CSNK1G1: variants seen among roughly 807,000 people sequenced by gnomAD.
CSNK1G1 encodes casein kinase 1 gamma 1.
CSNK1G1 carries 22 observed loss-of-function variants against 59.6 expected under a neutral mutation model. The ratio of observed to expected loss-of-function variants is 0.37; its 90% CI spans 0.26 to 0.53. CSNK1G1 has a LOEUF of 0.53. Among genes scored for constraint, CSNK1G1 ranks in the 20% least tolerant of loss-of-function variants. The probability of loss-of-function intolerance (pLI) is 0.89; values close to 1 mark genes in which losing one functional copy is unlikely to be tolerated. For synonymous variants in CSNK1G1, 179 were observed against 177.1 expected, an observed-to-expected ratio of 1.01 and a Z score of -0.08; for missense variants, 384 against 519.5, an observed-to-expected ratio of 0.74 and a Z score of 2.54.
intron 1 of CSNK1G1, among the ~76,000 whole-genome samples, chr15:64,312,628 G>A (rs989546991): frequency 1.3e-5 from 2 of 152,130 alleles, no homozygotes; most frequent in African/African-American, 2.4e-5. Context: ...AGACTTAAAT[G>A]TAAGACCTAA....
intron 1 of CSNK1G1, among the ~76,000 whole-genome samples, chr15:64,309,309 AACACACACACACACACACACACAC>A (rs66467610): frequency 6.8e-6 from 1 of 146,496 alleles, no homozygotes; most frequent in Non-Finnish European, 1.5e-5. Context: ...TAGTGAATAA[AACACACACACACACACACACACAC>A]ACACACACAC....
Position 64,200,631 on chromosome 15 carries a change from C to T in CSNK1G1, c.1107+2451G>A, listed in dbSNP as rs1161875634. On this transcript the variant is annotated intron_variant, in intron 10 of 11. Coordinates refer to ENST00000303052, the MANE Select transcript of CSNK1G1 (RefSeq NM_022048.5). This position sits in a 1 kb window ranked among gnomAD's most constrained non-coding sequence, Gnocchi z 4.3. ...AAAGTGCTGGGATTACAGGCGTGAG[C>T]CACTGCGCCTGGCCGCATTATAGAG... Among the ~76,000 whole-genome samples, 1 of 152,194 alleles carries T rather than the reference C, an allele frequency of 6.6e-6. No homozygotes were observed. Among genetic ancestry groups the T allele is most frequent in the Non-Finnish European group, 1.5e-5 (1 of 68,034 alleles).
intron 10 of CSNK1G1, among the ~76,000 whole-genome samples, chr15:64,192,131 G>T (rs1471437879): frequency 6.6e-6 from 1 of 152,228 alleles, no homozygotes; most frequent in Non-Finnish European, 1.5e-5. Context: ...AAGCAAACTA[G>T]TGGAAGAGAT....
intron 4 of CSNK1G1, among the ~76,000 whole-genome samples, chr15:64,221,018 C>T (rs2082382154): frequency 6.6e-6 from 1 of 152,158 alleles, no homozygotes; most frequent in Non-Finnish European, 1.5e-5. Context: ...AGTAACCATG[C>T]TAATGTTGGA....
chr15:64,278,648 C>G (rs1172737554), intron 2 of CSNK1G1, among the ~76,000 whole-genome samples: 1 of 151,860 alleles, frequency 6.6e-6, no homozygotes, highest in Admixed American at 6.6e-5. Flanking sequence ...AAGCTGGTGT[C>G]GAACTCCTGA....
chr15:64,321,509 C>G (rs1896564468), intron 1 of CSNK1G1, among the ~76,000 whole-genome samples: 2 of 152,162 alleles, frequency 1.3e-5, no homozygotes, highest in Admixed American at 6.5e-5. Flanking sequence ...AGCGATCCTC[C>G]TGCTTCAACC....
chr15:64,178,916 A>G (rs967055256), intron 11 of CSNK1G1, among the ~76,000 whole-genome samples: 1 of 151,030 alleles, frequency 6.6e-6, no homozygotes, highest in African/African-American at 2.4e-5. Context: ...ATGCCCAGCT[A>G]ATTTTTAATT....
chr15:64,199,361 C>T (rs1428312033), intron 10 of CSNK1G1, among the ~76,000 whole-genome samples: 1 of 149,482 alleles, frequency 6.7e-6, no homozygotes, highest in Non-Finnish European at 1.5e-5. Context: ...TAGTTAAATA[C>T]AGATGAGATT....
intron 1 of CSNK1G1, among the ~76,000 whole-genome samples, chr15:64,354,561 C>T (rs1898530371): frequency 6.6e-6 from 1 of 152,102 alleles, no homozygotes; most frequent in Non-Finnish European, 1.5e-5. Flanking sequence ...GAATTTCATG[C>T]TACCTACGAT....
intron 4 of CSNK1G1, among the ~76,000 whole-genome samples, chr15:64,244,653 C>T (rs1891657367): frequency 6.6e-6 from 1 of 152,056 alleles, no homozygotes; most frequent in African/African-American, 2.4e-5. Flanking sequence ...GAGGCTGAGG[C>T]AGGTGGATCA....
In CSNK1G1 at chr15:64,188,368, T is replaced by C; in HGVS notation, c.1108-7914A>G. On this transcript the variant is annotated intron_variant, in intron 10 of 11. Transcript: ENST00000303052. This position sits in a 1 kb window ranked among gnomAD's most constrained non-coding sequence, Gnocchi z 4.2. Reference sequence around the variant, plus strand: ...GGCCAGGAAAAGGCAATAAAGGCAGTAAATACCTGCACTGATCCCCCATGG... The same window carrying C: ...GGCCAGGAAAAGGCAATAAAGGCAGCAAATACCTGCACTGATCCCCCATGG... The C allele has an allele frequency of 6.5e-7, 1 of 1,531,978 alleles. No homozygotes were observed. Among genetic ancestry groups the C allele is most frequent in the Non-Finnish European group, 8.7e-7 (1 of 1,143,736 alleles). 94.9% of individuals were successfully genotyped at this position (1,531,978 alleles called of 1,614,324 possible).
intron 2 of CSNK1G1, among the ~76,000 whole-genome samples, chr15:64,283,679 C>T (rs1016641703): frequency 2.6e-5 from 4 of 152,046 alleles, no homozygotes; most frequent in African/African-American, 7.2e-5. Context: ...GACGGGGTTT[C>T]ACCATGTTGG....
chr15:64,278,084 T>C (rs963900821), intron 2 of CSNK1G1, among the ~76,000 whole-genome samples: 3 of 150,344 alleles, frequency 2.0e-5, no homozygotes, highest in Non-Finnish European at 3.0e-5. Context: ...CTCACTCTGT[T>C]GCCCAGGCTG....
chr15:64,194,730 G>A (rs1427565545), intron 10 of CSNK1G1, among the ~76,000 whole-genome samples: 2 of 151,828 alleles, frequency 1.3e-5, no homozygotes, highest in African/African-American at 4.8e-5. Context: ...TGGTCAGGCC[G>A]GTTTTGAACT....
chr15:64,263,242 G>A (rs1415354749), intron 2 of CSNK1G1, among the ~76,000 whole-genome samples: 2 of 150,318 alleles, frequency 1.3e-5, no homozygotes, highest in East Asian at 2.0e-4. Context: ...ATGCTGGAGC[G>A]CAGTGGCATG....
intron 2 of CSNK1G1, among the ~76,000 whole-genome samples, chr15:64,275,060 G>A (rs1722222401): frequency 6.6e-6 from 1 of 152,124 alleles, no homozygotes; most frequent in African/African-American, 2.4e-5. Context: ...TTCTTTTTGT[G>A]GAGACACAGT....
intron 2 of CSNK1G1, among the ~76,000 whole-genome samples, chr15:64,272,636 G>A (rs1893385029): frequency 6.6e-6 from 1 of 152,176 alleles, no homozygotes; most frequent in Non-Finnish European, 1.5e-5. Flanking sequence ...GCTTGTTTGT[G>A]AGGTTACTTT....
At chr15:64,263,130 C>G (rs891568069) in intron 2 of CSNK1G1, among the ~76,000 whole-genome samples, 1 of 148,988 alleles carries the variant, frequency 6.7e-6, no homozygotes, top group South Asian at 2.1e-4. Flanking sequence ...TGGGCACTTA[C>G]ATATTTGTTT....
At chr15:64,254,263 C>A (rs1374812579) in intron 3 of CSNK1G1, among the ~76,000 whole-genome samples, 1 of 151,096 alleles carries the variant, frequency 6.6e-6, no homozygotes, top group Non-Finnish European at 1.5e-5. Flanking sequence ...TTAACAGATA[C>A]AAAATTTCAG....
Sources: gnomAD v4.1 joint callset for allele counts (sites outside exome capture counted in the v4.1 genomes callset) on GRCh38, gnomAD v4.1.1 for gene constraint, Gnocchi (gnomAD v3.1) non-coding constraint, MANE v1.5 for transcripts, NCBI Gene and HGNC (gene_info 2026-07-23, HGNC 2026-07-21) for gene names.